Variants in P2RY8 observed in about 807,000 individuals in gnomAD.
P2RY8 encodes the protein P2Y receptor family member 8.
Under a neutral mutation model 10.0 loss-of-function variants are expected in P2RY8, and 6 were observed. The observed-to-expected ratio is 0.60, with a 90% confidence interval of 0.33 to 1.19. The LOEUF (loss-of-function observed/expected upper bound fraction) is 1.19, where lower values mean the gene tolerates loss of function less well. P2RY8 is among the 50% of genes most tolerant of loss of function. The pLI is 0.04. For synonymous variants in P2RY8, 276 were observed against 252.5 expected (o/e 1.09, Z -0.88); for missense variants, 456 against 542.0 (o/e 0.84, Z 1.58).
At chrX:1,509,695 TCCA>T (rs1569538143) in intron 1 of P2RY8, among the ~76,000 whole-genome samples, 1 of 139,490 alleles carries the variant, frequency 7.2e-6, no homozygotes, top group South Asian at 2.2e-4. Context: ...CATCCATCCA[TCCA>T]TCCATCCATT....
chrX:1,501,472 C>T (rs2092178398), intron 1 of P2RY8, among the ~76,000 whole-genome samples: 1 of 152,138 alleles, frequency 6.6e-6, no homozygotes, highest in Admixed American at 6.6e-5. Context: ...ACCGATCCTC[C>T]CACCTCAGCC....
rs192394134 is a variant in P2RY8 at position 1,467,743 on chromosome X, C to T, written c.-24-1161G>A. ...CCAGGCTGGAGGGCAGTAGTGCAAA[C>T]GTAACTCACTGCAGCCTCCAACGCC... On this transcript the variant is annotated intron_variant, in intron 1 of 1. Coordinates refer to ENST00000381297, the MANE Select transcript of P2RY8 (RefSeq NM_178129.5). 7.6e-3 allele frequency among the ~76,000 whole-genome samples: 1,162 copies of T among 152,280 alleles called. 6 individuals carry two copies. Among genetic ancestry groups the T allele is most frequent in the Admixed American group, 0.019 (291 of 15,294 alleles).
In P2RY8 at chrX:1,465,562, C is replaced by T. The variant is rs372095983; in HGVS notation, c.997G>A (p.Val333Met). Reference protein sequence around the residue: ...ESLFSARTTSVRSEAGAHPEG... With the variant: ...ESLFSARTTSMRSEAGAHPEG... ...GGGTGCGCACCGGCCTCGGAGCGCA[C>T]GGACGTGGTCCTGGCGGAGAAGAGG... The change falls in exon 2 of 2, where the codon GTG becomes ATG. Residue 333 changes from valine to methionine, a missense_variant. Val to Met is a conservative substitution (Grantham distance 21). Transcript: ENST00000381297. 6.8e-6 allele frequency: 11 copies of T among 1,612,492 alleles called. No homozygotes were observed. Among genetic ancestry groups the T allele is most frequent in the Admixed American group, 1.7e-5 (1 of 59,970 alleles).
At chrX:1,508,957 A>G (rs1428086001) in intron 1 of P2RY8, among the ~76,000 whole-genome samples, 1 of 148,334 alleles carries the variant, frequency 6.7e-6, no homozygotes, top group Admixed American at 6.8e-5. Context: ...TCTATCCTGT[A>G]TGTATCTATC....
At chrX:1,486,216 C>T (rs1354646479) in intron 1 of P2RY8, among the ~76,000 whole-genome samples, 4 of 152,094 alleles carry the variant, frequency 2.6e-5, no homozygotes, top group African/African-American at 9.7e-5. Flanking sequence ...GAAACTCTGT[C>T]TCAACAACAA....
At chrX:1,513,989 C>T (rs1206472184) in intron 1 of P2RY8, among the ~76,000 whole-genome samples, 1 of 152,190 alleles carries the variant, frequency 6.6e-6, no homozygotes, top group African/African-American at 2.4e-5. Flanking sequence ...TTTCAGCAAA[C>T]AAAGTCCTGT....
Position 1,462,598 on chromosome X carries a change from GT to G in P2RY8, c.*2880del, listed in dbSNP as rs111599059. ...TTGCCCTGTGCACTTCAAAGCTCATGTTTTTTTTTAATGTTTTATTTTTATT... is the reference window on the plus strand; with the variant it reads ...TTGCCCTGTGCACTTCAAAGCTCATGTTTTTTTTAATGTTTTATTTTTATT... On this transcript the variant is annotated 3_prime_UTR_variant, in exon 2 of 2. Coordinates refer to ENST00000381297, the MANE Select transcript of P2RY8 (RefSeq NM_178129.5). The G allele has an allele frequency of 0.68, 153,308 of 226,942 alleles. 51,930 individuals are homozygous for G. The highest frequency in any genetic ancestry group is 0.85 in the East Asian group (13,470 of 15,856). 14.1% of individuals were successfully genotyped at this position (226,942 alleles called of 1,614,324 possible). A position where few individuals can be genotyped will look rare whatever the true frequency, so the allele number is the denominator to read the frequency against.
chrX:1,488,109 T>TA (rs1299833147), intron 1 of P2RY8, among the ~76,000 whole-genome samples: 4,466 of 131,154 alleles, frequency 0.034, 211 homozygotes, highest in African/African-American at 0.11. Flanking sequence ...AAACTCTGTC[T>TA]AAAAAAAAAA....
At chrX:1,529,406 C>T (rs1331656075) in intron 1 of P2RY8, among the ~76,000 whole-genome samples, 1 of 152,082 alleles carries the variant, frequency 6.6e-6, no homozygotes, top group Non-Finnish European at 1.5e-5. Context: ...TCTTATCTTG[C>T]CTGCCTCTCA....
chrX:1,509,785 T>TATCTATCTATC (rs1233542173), intron 1 of P2RY8, among the ~76,000 whole-genome samples: 2 of 56,238 alleles, frequency 3.6e-5, no homozygotes, highest in African/African-American at 1.3e-4. Flanking sequence ...ATCTATCATC[T>TATCTATCTATC]ATGTATCCAT....
At chrX:1,506,246 G>C (rs1346743751) in intron 1 of P2RY8, among the ~76,000 whole-genome samples, 1 of 152,072 alleles carries the variant, frequency 6.6e-6, no homozygotes, top group African/African-American at 2.4e-5. Flanking sequence ...GCCTGCCTGA[G>C]CCTCCCAAAC....
At chrX:1,507,491 C>G (rs182303392) in intron 1 of P2RY8, among the ~76,000 whole-genome samples, 4 of 152,260 alleles carry the variant, frequency 2.6e-5, no homozygotes, top group African/African-American at 9.6e-5. Flanking sequence ...GAAAAGCTGT[C>G]GCTCATATCC....
At chrX:1,514,827 C>T (rs1183073113) in intron 1 of P2RY8, among the ~76,000 whole-genome samples, 7,447 of 13,276 alleles carry the variant, frequency 0.56, 1,978 homozygotes, top group East Asian at 0.75. Context: ...CCTTCCCTTT[C>T]CCTTTCCTTC....
intron 1 of P2RY8, among the ~76,000 whole-genome samples, chrX:1,512,079 G>T (rs1481690291): frequency 6.6e-6 from 1 of 152,064 alleles, no homozygotes; most frequent in African/African-American, 2.4e-5. Flanking sequence ...TGGCGGGGGG[G>T]TCTCCTGTCC....
At chrX:1,536,142 T>A (rs1357833466) in intron 1 of P2RY8, among the ~76,000 whole-genome samples, 3 of 152,136 alleles carry the variant, frequency 2.0e-5, no homozygotes, top group Non-Finnish European at 4.4e-5. Context: ...CGCCAAGGTC[T>A]CATTGCAAAC....
In P2RY8 at chrX:1,466,484, G is replaced by C. The variant is rs758586051; in HGVS notation, c.75C>G (p.Ala25=). Residue 25 remains alanine, a synonymous_variant, in exon 2 of 2, where the codon GCC becomes GCG. Coordinates refer to ENST00000381297, the MANE Select transcript of P2RY8 (RefSeq NM_178129.5). ...CCACCAGCGAGTACACCACGGGCAGGGCCACCGCGATCGCCGGGTTCCGCA... is the reference window on the plus strand; with the variant it reads ...CCACCAGCGAGTACACCACGGGCAGCGCCACCGCGATCGCCGGGTTCCGCA... ...QMLRNPAIAV[A]LPVVYSLVAA... The C allele has an allele frequency of 6.2e-7, 1 of 1,611,684 alleles. No individual in the cohort carries two copies. The highest frequency in any genetic ancestry group is 8.5e-7 in the Non-Finnish European group (1 of 1,179,766).
At chrX:1,474,596 A>AG (rs2091853261) in intron 1 of P2RY8, among the ~76,000 whole-genome samples, 1 of 114,110 alleles carries the variant, frequency 8.8e-6, no homozygotes, top group Non-Finnish European at 1.7e-5. Context: ...GGATGGATGG[A>AG]TGGATGGATG....
At chrX:1,524,606 T>TCCATCCATCCATCC (rs1569538707) in intron 1 of P2RY8, among the ~76,000 whole-genome samples, 1 of 16,504 alleles carries the variant, frequency 6.1e-5, no homozygotes, top group Admixed American at 5.9e-4. Flanking sequence ...TTCATCCATC[T>TCCATCCATCCATCC]ATCCATCCAT....
intron 1 of P2RY8, among the ~76,000 whole-genome samples, chrX:1,466,858 TCTTCCCTC>T (rs1211921885): frequency 8.1e-5 from 11 of 135,136 alleles, no homozygotes; most frequent in Non-Finnish European, 1.4e-4. Flanking sequence ...TTCCTTCTCT[TCTTCCCTC>T]CTTCCTTCCT....
Sources: gnomAD v4.1 joint callset for allele counts (sites outside exome capture counted in the v4.1 genomes callset) on GRCh38, gnomAD v4.1.1 for gene constraint, MANE v1.5 for transcripts, NCBI Gene and HGNC (gene_info 2026-07-23, HGNC 2026-07-21) for gene names.